Variants in HDAC9 observed in about 807,000 individuals in gnomAD.
HDAC9 encodes the protein MEF-2 interacting transcription repressor (MITR) protein.
Under a neutral mutation model 139.4 loss-of-function variants are expected in HDAC9, and 41 were observed. That is an observed-to-expected ratio of 0.29 (90% CI 0.23 to 0.38). HDAC9 has a LOEUF of 0.38. Among genes scored for constraint, HDAC9 ranks in the 10% least tolerant of loss-of-function variants. The pLI is 1.00. For synonymous variants in HDAC9, 517 were observed against 476.2 expected, an observed-to-expected ratio of 1.09 and a Z score of -1.12; for missense variants, 1,147 against 1,297.0, an observed-to-expected ratio of 0.88 and a Z score of 1.78.
Position 18,820,714 on chromosome 7 carries a change from A to G in HDAC9, c.2323-8447A>G, listed in dbSNP as rs575180184. On this transcript the variant is annotated intron_variant, in intron 17 of 25. Transcript: ENST00000686413. Reference sequence around the variant, plus strand: ...GCCACTATATGTCAGATACTATGTAAATCTAGCAGCTAAAATGGTGAGCAA... The same window carrying G: ...GCCACTATATGTCAGATACTATGTAGATCTAGCAGCTAAAATGGTGAGCAA... 7.2e-5 allele frequency among the ~76,000 whole-genome samples: 11 copies of G among 152,294 alleles called. No homozygotes were observed. In the East Asian group the frequency reaches 1.9e-3, roughly 27 times the overall value.
chr7:18,129,649 A>T (rs1315421503), intron 1 of HDAC9, among the ~76,000 whole-genome samples: 1 of 152,170 alleles, frequency 6.6e-6, no homozygotes, highest in Admixed American at 6.6e-5. Flanking sequence ...TAGCTTGTGC[A>T]GTCTTGTAAG....
rs554198594 is a variant in HDAC9, at chr7:18,758,297, G to A, written c.2044-3860G>A. The stretch of plus-strand genomic sequence containing the variant: ...GGCAGGCTATCATAGATAACTTTAC[G>A]TAGATATCCTTCGGACCAAGTATCT... On this transcript the variant is annotated intron_variant, in intron 14 of 25. Transcript: ENST00000686413. Among the ~76,000 whole-genome samples the A allele has an allele frequency of 5.9e-5, 9 of 152,206 alleles. No individual in the cohort carries two copies. The South Asian group carries it at 1.2e-3, about 21-fold the overall frequency.
chr7:18,663,867 T>C (rs185211487), intron 11 of HDAC9, among the ~76,000 whole-genome samples: 1 of 152,226 alleles, frequency 6.6e-6, no homozygotes, highest in East Asian at 1.9e-4. Flanking sequence ...CTCTTATTTG[T>C]AGTCTGAGGT....
At chr7:18,590,630 T>C (rs1562484680) in intron 4 of HDAC9, 144 bp downstream of exon 4, 4 of 852,110 alleles carry the variant, frequency 4.7e-6, no homozygotes, top group African/African-American at 1.7e-5. Context: ...GACCCAACTG[T>C]AAAGTTTTGA....
chr7:18,508,951 C>T (rs1322096659), intron 2 of HDAC9, among the ~76,000 whole-genome samples: 1 of 152,164 alleles, frequency 6.6e-6, no homozygotes, highest in African/African-American at 2.4e-5. Flanking sequence ...ATAGCATACA[C>T]AGTCGTCGTT....
intron 1 of HDAC9, among the ~76,000 whole-genome samples, chr7:18,156,888 G>T (rs1218924766): frequency 6.6e-6 from 1 of 152,134 alleles, no homozygotes; most frequent in Non-Finnish European, 1.5e-5. Flanking sequence ...ACTTTGTGAG[G>T]CTGAGGCAGG....
intron 8 of HDAC9, 52 bp from the exon 9 acceptor site, chr7:18,644,618 CA>C (rs1226814633): frequency 1.9e-5 from 29 of 1,508,124 alleles, no homozygotes; most frequent in Admixed American, 5.9e-5. Context: ...GAACATTTTA[CA>C]GTAAAATTTG....
At chr7:18,477,816 A>G (rs1795234035) in intron 1 of HDAC9, among the ~76,000 whole-genome samples, 1 of 152,090 alleles carries the variant, frequency 6.6e-6, no homozygotes, top group Admixed American at 6.5e-5. Flanking sequence ...AATGTTAACG[A>G]CTCACAGCCT....
intron 2 of HDAC9, among the ~76,000 whole-genome samples, chr7:18,513,072 GTT>G (rs1455806827): frequency 6.6e-6 from 1 of 152,156 alleles, no homozygotes; most frequent in Admixed American, 6.5e-5. Flanking sequence ...AATATATTCA[GTT>G]TTTAAACTCA....
At chr7:18,832,740 T>TATATA (rs398111123) in intron 19 of HDAC9, among the ~76,000 whole-genome samples, 1 of 149,410 alleles carries the variant, frequency 6.7e-6, no homozygotes, top group African/African-American at 2.5e-5. Context: ...TATATATATA[T>TATATA]TTTTTTTTTC....
At chr7:18,748,072 T>C (rs1438097222) in intron 13 of HDAC9, among the ~76,000 whole-genome samples, 1 of 152,216 alleles carries the variant, frequency 6.6e-6, no homozygotes, top group Non-Finnish European at 1.5e-5. Flanking sequence ...AAATAATTTC[T>C]TATGTCAGGC....
intron 1 of HDAC9, among the ~76,000 whole-genome samples, chr7:18,148,157 G>A (rs1191244048): frequency 6.6e-6 from 1 of 152,152 alleles, no homozygotes; most frequent in Non-Finnish European, 1.5e-5. Context: ...TATCCTAAGT[G>A]TGCTGGCTTG....
At chr7:18,520,616 G>C (rs537901078) in intron 2 of HDAC9, among the ~76,000 whole-genome samples, 3 of 152,274 alleles carry the variant, frequency 2.0e-5, no homozygotes, top group African/African-American at 7.2e-5. Flanking sequence ...GTAATGAAGA[G>C]TGGTGCTCTC....
At chr7:18,434,339 C>T (rs568395486) in intron 1 of HDAC9, among the ~76,000 whole-genome samples, 42 of 152,288 alleles carry the variant, frequency 2.8e-4, no homozygotes, top group African/African-American at 8.2e-4. Flanking sequence ...TGGGCATAGG[C>T]CCTGGCAAAG....
At chr7:18,129,840 T>C (rs1784894643) in intron 1 of HDAC9, among the ~76,000 whole-genome samples, 1 of 152,126 alleles carries the variant, frequency 6.6e-6, no homozygotes, top group African/African-American at 2.4e-5. Flanking sequence ...CAAATGAATA[T>C]GTAATGGCAA....
At chr7:18,749,706 C>A (rs986507257) in intron 14 of HDAC9, among the ~76,000 whole-genome samples, 1 of 151,900 alleles carries the variant, frequency 6.6e-6, no homozygotes, top group African/African-American at 2.4e-5. Flanking sequence ...AAAAATATAC[C>A]TTTTTATGCT....
At chr7:18,989,842 G>C (rs951440800) in intron 25 of HDAC9, among the ~76,000 whole-genome samples, 2 of 144,080 alleles carry the variant, frequency 1.4e-5, no homozygotes, top group Admixed American at 7.1e-5. Context: ...CCAGTTGATC[G>C]CATCGGCTCC....
At chr7:18,788,219 T>TG (rs1258511788) in intron 16 of HDAC9, among the ~76,000 whole-genome samples, 1 of 152,120 alleles carries the variant, frequency 6.6e-6, no homozygotes, top group Non-Finnish European at 1.5e-5. Flanking sequence ...ACATTGGTAA[T>TG]GGGGTTCCTC....
chr7:18,575,011 T>C (rs1825575560), intron 2 of HDAC9, among the ~76,000 whole-genome samples: 1 of 152,208 alleles, frequency 6.6e-6, no homozygotes, highest in South Asian at 2.1e-4. Flanking sequence ...GCGGGCTCCA[T>C]GGAGTGGGCA....
Sources: allele counts gnomAD v4.1 joint callset (sites outside exome capture counted in the v4.1 genomes callset), GRCh38; gene constraint gnomAD v4.1.1; transcripts MANE v1.5; gene names NCBI Gene and HGNC (gene_info 2026-07-23, HGNC 2026-07-21).